The following ZRANB3 variants were observed in gnomAD, a reference collection of about 807,000 sequenced individuals.
The protein encoded by ZRANB3 is DNA annealing helicase and endonuclease ZRANB3.
A neutral mutation model predicts 133.8 loss-of-function variants in ZRANB3; 125 were observed. The ratio of observed to expected loss-of-function variants is 0.93; its 90% confidence interval spans 0.81 to 1.08. The LOEUF (loss-of-function observed/expected upper bound fraction) is 1.08, where lower values mean the gene tolerates loss of function less well. ZRANB3 is among the 50% of genes least tolerant of loss of function. The pLI, the probability that ZRANB3 is intolerant of heterozygous loss-of-function variation, is 0.00. For synonymous variants in ZRANB3, 387 were observed against 432.7 expected (o/e 0.89, Z 1.31); for missense variants, 1,229 against 1,275.5 (o/e 0.96, Z 0.56).
At chr2:135,279,003 C>T (rs2104779010) in intron 8 of ZRANB3, among the ~76,000 whole-genome samples, 1 of 151,800 alleles carries the variant, frequency 6.6e-6, no homozygotes, top group East Asian at 1.9e-4. Flanking sequence ...CAATTGATGA[C>T]AGCTAAAATT....
chr2:135,517,468 T>C (rs959854706), intron 1 of ZRANB3, among the ~76,000 whole-genome samples: 3 of 152,228 alleles, frequency 2.0e-5, no homozygotes, highest in African/African-American at 7.2e-5. Flanking sequence ...GTGAGCGTCC[T>C]TTTTGTTGAT....
At chr2:135,333,848 T>C (rs902291404) in intron 6 of ZRANB3, among the ~76,000 whole-genome samples, 59 of 152,206 alleles carry the variant, frequency 3.9e-4, no homozygotes, top group African/African-American at 1.4e-3. Flanking sequence ...ACCTAAAACA[T>C]ATACAGGCAA....
chr2:135,256,271 C>G (rs916959262), intron 12 of ZRANB3, among the ~76,000 whole-genome samples: 1 of 152,102 alleles, frequency 6.6e-6, no homozygotes, highest in Non-Finnish European at 1.5e-5. Context: ...CCTTTATGTC[C>G]TGCTTCTTTC....
chr2:135,274,213 A>G (rs1202225378), intron 9 of ZRANB3, among the ~76,000 whole-genome samples: 1 of 152,242 alleles, frequency 6.6e-6, no homozygotes, highest in Non-Finnish European at 1.5e-5. Flanking sequence ...GATAGAAACA[A>G]AGGAAGATGT....
chr2:135,343,261 T>G (rs1165087821), intron 6 of ZRANB3, among the ~76,000 whole-genome samples: 2 of 149,262 alleles, frequency 1.3e-5, no homozygotes, highest in African/African-American at 5.1e-5. Flanking sequence ...ATAGAGATGA[T>G]GAGGTTTCTC....
chr2:135,524,213 C>G (rs1694058985), intron 1 of ZRANB3, among the ~76,000 whole-genome samples: 1 of 151,994 alleles, frequency 6.6e-6, no homozygotes, highest in Admixed American at 6.6e-5. Flanking sequence ...TCCTGAGTAG[C>G]TGGAACTACA....
intron 2 of ZRANB3, among the ~76,000 whole-genome samples, chr2:135,499,651 C>T (rs1296155418): frequency 6.6e-6 from 1 of 152,112 alleles, no homozygotes; most frequent in East Asian, 1.9e-4. Context: ...CCTCAATGTA[C>T]ATCACTATAT....
intron 8 of ZRANB3, among the ~76,000 whole-genome samples, chr2:135,307,014 C>A (rs1292462706): frequency 2.0e-5 from 3 of 152,202 alleles, no homozygotes; most frequent in African/African-American, 7.2e-5. Context: ...GCATGAGCCA[C>A]TGTGCCAGTC....
At chr2:135,281,754 T>C (rs1681110234) in intron 8 of ZRANB3, among the ~76,000 whole-genome samples, 1 of 152,204 alleles carries the variant, frequency 6.6e-6, no homozygotes, top group South Asian at 2.1e-4. Context: ...CAATGGCTTT[T>C]AGTACATTTG....
chr2:135,328,783 T>C (rs1407885257), intron 6 of ZRANB3, among the ~76,000 whole-genome samples: 1 of 152,196 alleles, frequency 6.6e-6, no homozygotes, highest in Non-Finnish European at 1.5e-5. Context: ...TATCTCATTG[T>C]GGTTTTGATT....
chr2:135,422,581 T>A (rs960202025), intron 2 of ZRANB3, among the ~76,000 whole-genome samples: 1 of 151,986 alleles, frequency 6.6e-6, no homozygotes, highest in African/African-American at 2.4e-5. Flanking sequence ...GATGAACACT[T>A]GAAAAGCGCC....
chr2:135,528,743 G>C (rs1453215120), intron 1 of ZRANB3, among the ~76,000 whole-genome samples: 1 of 152,122 alleles, frequency 6.6e-6, no homozygotes, highest in Non-Finnish European at 1.5e-5. Flanking sequence ...CACTTTGCCT[G>C]GTAGATCTAC....
chr2:135,300,492 A>G (rs147872528), intron 8 of ZRANB3, among the ~76,000 whole-genome samples: 1 of 152,342 alleles, frequency 6.6e-6, no homozygotes, highest in Non-Finnish European at 1.5e-5. Flanking sequence ...GAAAATTTCT[A>G]CTATCTAACA....
At chr2:135,350,394 G>A (rs183194989) in intron 4 of ZRANB3, among the ~76,000 whole-genome samples, 179 bp from the exon 5 acceptor site, 1 of 152,166 alleles carries the variant, frequency 6.6e-6, no homozygotes, top group Non-Finnish European at 1.5e-5. Context: ...AATAAACCAG[G>A]ATCCAAAATT....
At chr2:135,464,536 T>G (rs975714587) in intron 2 of ZRANB3, among the ~76,000 whole-genome samples, 1 of 152,192 alleles carries the variant, frequency 6.6e-6, no homozygotes, top group Non-Finnish European at 1.5e-5. Context: ...AGTGAGAAAT[T>G]TGGCAATGTT....
chr2:135,311,743 C>G (rs563660911), intron 8 of ZRANB3, among the ~76,000 whole-genome samples: 1 of 152,184 alleles, frequency 6.6e-6, no homozygotes, highest in African/African-American at 2.4e-5. Context: ...GAGCAAGACT[C>G]TGTCTCTCAA....
At chr2:135,346,224 G>C (rs1684918703) in intron 5 of ZRANB3, among the ~76,000 whole-genome samples, 1 of 152,160 alleles carries the variant, frequency 6.6e-6, no homozygotes, top group African/African-American at 2.4e-5. Context: ...AGCCTCCCGA[G>C]TAGCTTGGAG....
intron 12 of ZRANB3, among the ~76,000 whole-genome samples, chr2:135,239,988 A>C (rs1695480601): frequency 6.6e-6 from 1 of 152,146 alleles, no homozygotes; most frequent in Non-Finnish European, 1.5e-5. Context: ...ATGTCAAAAA[A>C]AAAAAAAGGG....
intron 8 of ZRANB3, among the ~76,000 whole-genome samples, chr2:135,307,187 C>T (rs1553470081): frequency 6.6e-6 from 1 of 152,150 alleles, no homozygotes; most frequent in Non-Finnish European, 1.5e-5. Context: ...CCACCTCAAC[C>T]TCCTGAGTAG....
Sources: allele counts gnomAD v4.1 joint callset (sites outside exome capture counted in the v4.1 genomes callset), GRCh38; gene constraint gnomAD v4.1.1; transcripts MANE v1.5; gene names NCBI Gene and HGNC (gene_info 2026-07-23, HGNC 2026-07-21).